Variants in TNKS observed in about 807,000 individuals in gnomAD.
TNKS encodes tankyrase.
TNKS carries 72 observed loss-of-function variants against 135.8 expected under a neutral mutation model. The observed-to-expected ratio is 0.53, with a 90% CI of 0.44 to 0.64. The LOEUF is 0.64. Ranked by LOEUF, TNKS falls within the 30% of genes least tolerant of loss-of-function variation. The probability of loss-of-function intolerance (pLI) is 0.00; values close to 1 mark genes in which losing one functional copy is unlikely to be tolerated. For missense variants in TNKS, 1,769 were observed against 1,674.0 expected, an observed-to-expected ratio of 1.06 and a Z score of -0.99; for synonymous variants, 849 against 649.3, an observed-to-expected ratio of 1.31 and a Z score of -4.68.
At chr8:9,635,119 G>A (rs1800459417) in intron 3 of TNKS, among the ~76,000 whole-genome samples, 1 of 151,862 alleles carries the variant, frequency 6.6e-6, no homozygotes, top group African/African-American at 2.4e-5. Flanking sequence ...GCAGTGAGCC[G>A]AGACCGCGCC....
chr8:9,622,597 C>G (rs191975187), intron 3 of TNKS, among the ~76,000 whole-genome samples: 18 of 152,260 alleles, frequency 1.2e-4, no homozygotes, highest in Admixed American at 9.2e-4. Context: ...GACTTTTTAC[C>G]TGTTTGTTCA....
At chr8:9,559,598 A>G (rs1797244400) in intron 1 of TNKS, among the ~76,000 whole-genome samples, 2 of 148,152 alleles carry the variant, frequency 1.3e-5, no homozygotes, top group South Asian at 4.3e-4. Context: ...AGCCTCCCCC[A>G]TCCCTACCCT....
At chr8:9,591,924 G>A (rs1179882645) in intron 2 of TNKS, among the ~76,000 whole-genome samples, 3 of 152,092 alleles carry the variant, frequency 2.0e-5, no homozygotes, top group African/African-American at 4.8e-5. Context: ...AGCAGTTTCC[G>A]GTCTGAGGGC....
chr8:9,763,534 T>C (rs573382645), intron 22 of TNKS, among the ~76,000 whole-genome samples: 38 of 152,346 alleles, frequency 2.5e-4, no homozygotes, highest in Admixed American at 9.8e-4. Context: ...TATTTTCTTA[T>C]ATTGTTACAG....
At chr8:9,684,912 G>A (rs1025876492) in intron 5 of TNKS, among the ~76,000 whole-genome samples, 10 of 152,062 alleles carry the variant, frequency 6.6e-5, no homozygotes, top group East Asian at 1.9e-4. Flanking sequence ...TTCCTTTTGC[G>A]GTGATACAGT....
chr8:9,592,973 A>G (rs1798641952), intron 2 of TNKS, among the ~76,000 whole-genome samples: 2 of 152,276 alleles, frequency 1.3e-5, no homozygotes, highest in East Asian at 3.9e-4. Flanking sequence ...CTTCATTAGG[A>G]TGGGCAGTTG....
In TNKS at chr8:9,751,689, A is replaced by T; in HGVS notation, c.2913A>T (p.Val971=). The part of the protein sequence containing the change: ...LPTCFKPQAT[V]VSASLISPAS... The stretch of plus-strand genomic sequence containing the variant: ...CCTGTTTTAAACCTCAGGCTACTGT[A>T]GTGAGTGCCTCTCTGATCTCACCAG... The change falls in exon 19 of 27, where the codon GTA becomes GTT. Residue 971 remains valine, a synonymous_variant. Transcript: ENST00000310430. 1 of 1,614,134 alleles carries T rather than the reference A, an allele frequency of 6.2e-7. No homozygotes were observed. The highest frequency in any genetic ancestry group is 8.5e-7 in the Non-Finnish European group (1 of 1,180,018).
intron 3 of TNKS, among the ~76,000 whole-genome samples, chr8:9,639,060 C>T (rs1800627068): frequency 6.6e-6 from 1 of 152,134 alleles, no homozygotes; most frequent in Non-Finnish European, 1.5e-5. Context: ...TAACTTTCTT[C>T]CTGTGAACCT....
chr8:9,678,445 A>C (rs1342256993), intron 3 of TNKS, among the ~76,000 whole-genome samples: 1 of 152,216 alleles, frequency 6.6e-6, no homozygotes, highest in Non-Finnish European at 1.5e-5. Context: ...ATTTATGGGA[A>C]ATTAGAAAGA....
chr8:9,714,111 G>A (rs7461939), intron 11 of TNKS, among the ~76,000 whole-genome samples: 90,524 of 152,014 alleles, frequency 0.6, 27,227 homozygotes, highest in Middle Eastern at 0.71. Context: ...GAACTTAGTG[G>A]TATTTTTATA....
In TNKS at chr8:9,734,892, A is replaced by G. The variant is rs1211997444; in HGVS notation, c.2341A>G (p.Arg781Gly). ...KHGADPTKKN[R>G]DGNTPLDLVK... ...TGGAGCAGATCCAACTAAAAAGAAC[A>G]GAGATGGAAATACACCTTTGGATTT... Residue 781 changes from arginine (R) to glycine (G), a missense_variant, in exon 16 of 27, where the codon AGA becomes GGA. Transcript: ENST00000310430. 1 of 1,614,168 alleles carries G rather than the reference A, an allele frequency of 6.2e-7. No individual in the cohort carries two copies. Among genetic ancestry groups the G allele is most frequent in the Admixed American group, 1.7e-5 (1 of 60,030 alleles).
At chr8:9,771,293 G>T (rs1230574176) in intron 26 of TNKS, among the ~76,000 whole-genome samples, 1 of 138,050 alleles carries the variant, frequency 7.2e-6, no homozygotes, top group African/African-American at 2.8e-5. Flanking sequence ...GGAAGGGAGG[G>T]AGGAGAGAGG....
intron 11 of TNKS, among the ~76,000 whole-genome samples, chr8:9,719,936 A>G (rs1318344440): frequency 6.6e-6 from 1 of 152,234 alleles, no homozygotes; most frequent in African/African-American, 2.4e-5. Flanking sequence ...AAAGAAATAT[A>G]ATCAACTACT....
chr8:9,643,784 G>C (rs941930031), intron 3 of TNKS, among the ~76,000 whole-genome samples: 1 of 152,176 alleles, frequency 6.6e-6, no homozygotes, highest in East Asian at 1.9e-4. Context: ...ATGCTCAAAA[G>C]AACTGGAAGC....
chr8:9,729,733 G>C (rs1805334655), intron 13 of TNKS, among the ~76,000 whole-genome samples: 1 of 147,306 alleles, frequency 6.8e-6, no homozygotes, highest in South Asian at 2.2e-4. Flanking sequence ...CAACTTCTTA[G>C]ACATATAATA....
chr8:9,752,238 T>G (rs1180636152), intron 19 of TNKS, among the ~76,000 whole-genome samples: 1 of 152,086 alleles, frequency 6.6e-6, no homozygotes, highest in Non-Finnish European at 1.5e-5. Context: ...AGAATTATAC[T>G]ATAATGTTAA....
At chr8:9,722,360 T>G (rs35319853) in intron 12 of TNKS, 2,917 of 152,240 alleles carry the variant, frequency 0.019, 47 homozygotes, top group African/African-American at 0.052. Flanking sequence ...TGCAACATTG[T>G]GAAAACTATT....
intron 22 of TNKS, among the ~76,000 whole-genome samples, chr8:9,764,436 A>AAGAT (rs1220834918): frequency 1.3e-5 from 2 of 152,302 alleles, no homozygotes; most frequent in African/African-American, 2.4e-5. Context: ...TCAATAAGAT[A>AAGAT]AGATAGTAAT....
intron 3 of TNKS, among the ~76,000 whole-genome samples, chr8:9,616,745 T>G (rs1478295888): frequency 6.6e-6 from 1 of 152,212 alleles, no homozygotes; most frequent in Admixed American, 6.5e-5. Context: ...CAATCAAAGA[T>G]TAGTGTATTT....
Sources: gnomAD v4.1 joint callset for allele counts (sites outside exome capture counted in the v4.1 genomes callset) on GRCh38, gnomAD v4.1.1 for gene constraint, MANE v1.5 for transcripts, NCBI Gene and HGNC (gene_info 2026-07-23, HGNC 2026-07-21) for gene names.